Variants in DHRSX observed in about 807,000 individuals in gnomAD.
DHRSX encodes the protein dehydrogenase/reductase X-linked.
Under a neutral mutation model 34.0 loss-of-function variants are expected in DHRSX, and 31 were observed. The ratio of observed to expected loss-of-function variants is 0.91; its 90% CI spans 0.69 to 1.23. The LOEUF is 1.23. DHRSX is among the 50% of genes most tolerant of loss of function. DHRSX has a pLI of 0.00. For synonymous variants in DHRSX, 201 were observed against 183.8 expected (o/e 1.09, Z -0.76); for missense variants, 414 against 428.1 (o/e 0.97, Z 0.29).
chrX:2,420,766 T>TA (rs1332325905), intron 2 of DHRSX, among the ~76,000 whole-genome samples: 3 of 149,030 alleles, frequency 2.0e-5, no homozygotes, highest in Non-Finnish European at 4.5e-5. Context: ...AAAGAATGGA[T>TA]AAAAAAAATG....
At chrX:2,425,690 G>A (rs1005777571) in intron 1 of DHRSX, among the ~76,000 whole-genome samples, 2 of 152,170 alleles carry the variant, frequency 1.3e-5, no homozygotes, top group African/African-American at 4.8e-5. Flanking sequence ...CGTTTGCGTT[G>A]TAAAATGTAG....
chrX:2,294,058 CAG>C (rs779129649), intron 3 of DHRSX, among the ~76,000 whole-genome samples: 3 of 148,858 alleles, frequency 2.0e-5, no homozygotes, highest in South Asian at 2.1e-4. Flanking sequence ...AAGATAGAAG[CAG>C]AGAGAGAGAG....
chrX:2,384,578 A>C (rs2043248190), intron 3 of DHRSX, among the ~76,000 whole-genome samples: 1 of 152,140 alleles, frequency 6.6e-6, no homozygotes, highest in Admixed American at 6.5e-5. Context: ...GTTAAAGGAC[A>C]CTTTTTAAGA....
In DHRSX at chrX:2,220,356, CA is replaced by C. The variant is rs1197689510; in HGVS notation, c.*684del. 1 of 152,138 alleles carries C rather than the reference CA, an allele frequency of 6.6e-6. No homozygotes were observed. The highest frequency in any genetic ancestry group is 1.9e-4 in the East Asian group (1 of 5,200). The allele number at this position is 152,138 out of a possible 1,614,324, so 9.4% of individuals were successfully genotyped here. A position where few individuals can be genotyped will look rare whatever the true frequency, so the allele number is the denominator to read the frequency against. ...AATTCTATCTGCAAAGATTCTTTTC[CA>C]AATAAAGTAATATTTATAGGTTCTG... On this transcript the variant is annotated 3_prime_UTR_variant, in exon 7 of 7. Transcript: ENST00000334651.
intron 3 of DHRSX, among the ~76,000 whole-genome samples, chrX:2,378,302 A>G (rs1165522686): frequency 1.3e-5 from 2 of 152,196 alleles, no homozygotes; most frequent in African/African-American, 2.4e-5. Flanking sequence ...GGTTTGTAGA[A>G]TTGTGTCGCA....
chrX:2,489,754 G>T, intron 1 of DHRSX: 2 of 1,613,316 alleles, frequency 1.2e-6, no homozygotes, highest in Non-Finnish European at 1.7e-6. Flanking sequence ...CAGACTGCTG[G>T]AAGTACTCCA....
At chrX:2,464,811 C>T (rs1328747596) in intron 1 of DHRSX, among the ~76,000 whole-genome samples, 2 of 151,282 alleles carry the variant, frequency 1.3e-5, no homozygotes, top group Admixed American at 6.6e-5. Flanking sequence ...ACACTGAAGA[C>T]GTTCTGTAAC....
chrX:2,330,873 A>G (rs1161973863), intron 3 of DHRSX, among the ~76,000 whole-genome samples: 2 of 152,180 alleles, frequency 1.3e-5, no homozygotes, highest in African/African-American at 4.8e-5. Context: ...CAGTAGAAGA[A>G]AAGAGAATGA....
intron 5 of DHRSX, among the ~76,000 whole-genome samples, chrX:2,259,387 GATATATAGATATAT>G (rs1204051532): frequency 0.086 from 7,782 of 90,780 alleles, 338 homozygotes; most frequent in Admixed American, 0.16. Context: ...TATATATATA[GATATATAGATATAT>G]ATATAGATAT....
At chrX:2,226,018 C>T (rs1364529337) in intron 6 of DHRSX, among the ~76,000 whole-genome samples, 5 of 152,076 alleles carry the variant, frequency 3.3e-5, no homozygotes, top group South Asian at 2.1e-4. Context: ...AGAGAGGCCT[C>T]GGGAGGAGCC....
At chrX:2,332,117 A>G (rs2042486314) in intron 3 of DHRSX, among the ~76,000 whole-genome samples, 1 of 152,238 alleles carries the variant, frequency 6.6e-6, no homozygotes, top group Non-Finnish European at 1.5e-5. Context: ...CTAAGTGCTC[A>G]ATAACGACAT....
chrX:2,493,743 G>A (rs1266387615), intron 1 of DHRSX, among the ~76,000 whole-genome samples: 1 of 152,102 alleles, frequency 6.6e-6, no homozygotes, highest in Non-Finnish European at 1.5e-5. Flanking sequence ...GCCAAGGTGG[G>A]TGGATCATCT....
chrX:2,252,131 G>A (rs1326596651), intron 5 of DHRSX, among the ~76,000 whole-genome samples: 9 of 152,110 alleles, frequency 5.9e-5, no homozygotes, highest in African/African-American at 1.9e-4. Flanking sequence ...CCAGCTACTC[G>A]GGAGGCTGAG....
At chrX:2,415,460 C>T (rs1330164632) in intron 2 of DHRSX, among the ~76,000 whole-genome samples, 1 of 151,976 alleles carries the variant, frequency 6.6e-6, no homozygotes, top group East Asian at 1.9e-4. Flanking sequence ...AACTACATCA[C>T]ATCATGACCT....
intron 5 of DHRSX, among the ~76,000 whole-genome samples, chrX:2,260,277 T>C (rs1440290561): frequency 6.7e-6 from 1 of 149,664 alleles, no homozygotes; most frequent in Non-Finnish European, 1.5e-5. Context: ...GGCACCTAGA[T>C]GTTTGATTGA....
At chrX:2,463,042 G>A (rs1188738826) in intron 1 of DHRSX, among the ~76,000 whole-genome samples, 1 of 152,092 alleles carries the variant, frequency 6.6e-6, no homozygotes, top group Non-Finnish European at 1.5e-5. Flanking sequence ...TCCACCATGT[G>A]AGCAGGCAGA....
At chrX:2,267,543 CAAA>C (rs531488800) in intron 4 of DHRSX, among the ~76,000 whole-genome samples, 3 of 127,708 alleles carry the variant, frequency 2.3e-5, no homozygotes. Flanking sequence ...GACTCCATCT[CAAA>C]AAAAAAAAAA....
intron 5 of DHRSX, among the ~76,000 whole-genome samples, chrX:2,244,766 C>CA (rs1354241885): frequency 6.6e-6 from 1 of 151,892 alleles, no homozygotes; most frequent in Non-Finnish European, 1.5e-5. Flanking sequence ...AGCTGGAGTA[C>CA]AGTGGCGTGA....
chrX:2,422,002 T>C (rs1416732992), intron 2 of DHRSX, among the ~76,000 whole-genome samples: 2 of 152,198 alleles, frequency 1.3e-5, no homozygotes, highest in African/African-American at 4.8e-5. Flanking sequence ...AAAGACTCTT[T>C]GCTGAGCCCT....
Sources: allele counts gnomAD v4.1 joint callset (sites outside exome capture counted in the v4.1 genomes callset), GRCh38; gene constraint gnomAD v4.1.1; transcripts MANE v1.5; gene names NCBI Gene and HGNC (gene_info 2026-07-23, HGNC 2026-07-21).